CNDP2: variants seen among roughly 807,000 people sequenced by gnomAD.
CNDP2 encodes carnosine dipeptidase 2, also known as cytosolic non-specific dipeptidase.
Under a neutral mutation model 55.0 loss-of-function variants are expected in CNDP2, and 38 were observed. The observed-to-expected ratio is 0.69, with a 90% CI of 0.53 to 0.90. CNDP2 has a LOEUF of 0.90. Ranked by LOEUF, CNDP2 falls within the 40% of genes least tolerant of loss-of-function variation. The pLI, the probability that CNDP2 is intolerant of heterozygous loss-of-function variation, is 0.00. For synonymous variants in CNDP2, 241 were observed against 260.2 expected, an observed-to-expected ratio of 0.93 and a Z score of 0.71; for missense variants, 607 against 621.7, an observed-to-expected ratio of 0.98 and a Z score of 0.25.
chr18:74,523,302 C>T lies in CNDP2; in HGVS notation c.*3234C>T, dbSNP rs2144627506. 1 of 152,344 alleles carries T rather than the reference C, an allele frequency of 6.6e-6. No individual in the cohort carries two copies. The highest frequency in any genetic ancestry group is 1.5e-5 in the Non-Finnish European group (1 of 68,046). 9.4% of individuals were successfully genotyped at this position (152,344 alleles called of 1,614,324 possible). A position where few individuals can be genotyped will look rare whatever the true frequency, so the allele number is the denominator to read the frequency against. ...CTCAGCGTCCTGTGTCAGAAGAGCA[C>T]AAACCACTTTCCCAGAGAGGTTATG... On this transcript the variant is annotated 3_prime_UTR_variant, in exon 12 of 12. Transcript: ENST00000324262.
chr18:74,503,505 T>C (rs1173748567), intron 3 of CNDP2, among the ~76,000 whole-genome samples: 1 of 152,270 alleles, frequency 6.6e-6, no homozygotes. Context: ...AGAACAATTT[T>C]ACCTGTGGGC....
At position 74,506,103 on chromosome 18, in the gene CNDP2, G is replaced by GCT. The variant is rs1979009954; in HGVS notation, c.367+92_367+93insCT. 4 of 1,123,070 alleles carry GCT rather than the reference G, an allele frequency of 3.6e-6. No homozygotes were observed. The East Asian group carries it at 1.2e-4, about 34-fold the overall frequency. 69.6% of individuals were successfully genotyped at this position (1,123,070 alleles called of 1,614,324 possible). On this transcript the variant is annotated intron_variant, in intron 4 of 11. Transcript: ENST00000324262. ...CGTTTTTCTGTTTCCAGTACAGACTGTTTTTATTTTATTTTATTTATTTTA... is the reference window on the plus strand; with the variant it reads ...CGTTTTTCTGTTTCCAGTACAGACTGCTTTTTTATTTTATTTTATTTATTTTA...
In CNDP2 at chr18:74,516,215, G is replaced by C. The variant is rs781397316; in HGVS notation, c.904-13G>C. The C allele has an allele frequency of 2.5e-6, 4 of 1,603,438 alleles. No homozygotes were observed. The East Asian group carries it at 8.9e-5, about 36-fold the overall frequency. On this transcript the variant is annotated splice_polypyrimidine_tract_variant and intron_variant, in intron 8 of 11. Coordinates refer to ENST00000324262, the MANE Select transcript of CNDP2 (RefSeq NM_018235.3). ...ATGCCTGAGGTGTCCCTGACCCTCT[G>C]ATTTTTCTGCAGAAAGACATCCTCA... is the stretch of plus-strand genomic sequence containing the variant.
At chr18:74,513,523 C>T in intron 7 of CNDP2, 36 bp from the exon 8 acceptor site, 1 of 1,588,318 alleles carries the variant, frequency 6.3e-7, no homozygotes. Context: ...GGTGCGGCCT[C>T]CCCTGAGTGC....
chr18:74,510,436 G>T (rs1403315367), intron 5 of CNDP2, among the ~76,000 whole-genome samples: 1 of 152,218 alleles, frequency 6.6e-6, no homozygotes, highest in African/African-American at 2.4e-5. Flanking sequence ...TTCTGTGCCC[G>T]GGAGCAGCGA....
chr18:74,505,187 A>C (rs1978940519), intron 3 of CNDP2: 2 of 152,318 alleles, frequency 1.3e-5, no homozygotes, highest in Non-Finnish European at 2.9e-5. Flanking sequence ...ACCTCTTCTG[A>C]TTTAAGATTA....
intron 4 of CNDP2, 136 bp from the exon 5 acceptor site, chr18:74,508,704 T>C (rs530176468): frequency 5.9e-5 from 39 of 657,450 alleles, no homozygotes; most frequent in African/African-American, 2.5e-4. Flanking sequence ...TGGGTGGAAA[T>C]TGGGGGCTCC....
intron 6 of CNDP2, among the ~76,000 whole-genome samples, chr18:74,511,722 AG>A (rs1491357909): frequency 6.6e-6 from 1 of 151,068 alleles, no homozygotes; most frequent in South Asian, 2.1e-4. Context: ...AAAAAAAAAA[AG>A]AGAAACCGAG....
rs113582841 is a variant in CNDP2, at chr18:74,519,032, G to T, written c.1294G>T (p.Val432Phe). The T allele has an allele frequency of 6.2e-7, 1 of 1,613,846 alleles. No homozygotes were observed. Among genetic ancestry groups the T allele is most frequent in the African/African-American group, 1.3e-5 (1 of 74,908 alleles). The change falls in exon 11 of 12, where the codon GTC (valine) becomes TTC (phenylalanine). Residue 432 changes from valine to phenylalanine, a missense_variant. Physicochemically the swap from Val to Phe is conservative, Grantham distance 50. Transcript: ENST00000324262. ...LTFQEATGKN[V>F]MLLPVGSADD... The stretch of plus-strand genomic sequence containing the variant: ...CTTTCAGGAGGCCACGGGCAAGAAC[G>T]TCATGCTGCTGCCTGTGGGGTCAGC...
In CNDP2 at chr18:74,516,398, T is replaced by A. The variant is rs929703075; in HGVS notation, c.1068+6T>A. On this transcript the variant is annotated splice_donor_region_variant and intron_variant, in intron 9 of 11. Transcript: ENST00000324262. The stretch of plus-strand genomic sequence containing the variant: ...CTGAAGTCGTCGGCGAGCAGGCATG[T>A]GGGGCTGGGACACGGGGTGGGGGCC... 1.9e-6 allele frequency: 3 copies of A among 1,604,236 alleles called. No homozygotes were observed. Among genetic ancestry groups the A allele is most frequent in the Admixed American group, 1.7e-5 (1 of 59,240 alleles).
At chr18:74,513,849 G>A in intron 8 of CNDP2, 130 bp downstream of exon 8, 2 of 928,850 alleles carry the variant, frequency 2.2e-6, no homozygotes, top group Non-Finnish European at 3.2e-6. Flanking sequence ...ATGCACATGA[G>A]TCACTCAGAA....
At chr18:74,513,949 G>A (rs1979501229) in intron 8 of CNDP2, 2 of 470,950 alleles carry the variant, frequency 4.2e-6, no homozygotes, top group African/African-American at 2.0e-5. Context: ...GCATGCAGAG[G>A]GGACATGGGC....
intron 8 of CNDP2, among the ~76,000 whole-genome samples, chr18:74,514,977 T>G (rs1736897657): frequency 6.6e-6 from 1 of 152,128 alleles, no homozygotes; most frequent in South Asian, 2.1e-4. Context: ...GGGAGGGTCA[T>G]GGTGCTGGGA....
chr18:74,516,655 C>A, intron 9 of CNDP2: 1 of 442,024 alleles, frequency 2.3e-6, no homozygotes, highest in Non-Finnish European at 4.0e-6. Flanking sequence ...GGCCAAACAC[C>A]AACTTTGGAC....
At chr18:74,502,803 C>T (rs560197698) in intron 3 of CNDP2, among the ~76,000 whole-genome samples, 2 of 152,218 alleles carry the variant, frequency 1.3e-5, no homozygotes, top group South Asian at 2.1e-4. Context: ...TTCAGTTCAG[C>T]GCATTCGTTT....
rs1978994282 is a variant in CNDP2, at chr18:74,505,942, C to G, written c.298C>G (p.Leu100Val). 1 of 1,612,406 alleles carries G rather than the reference C, an allele frequency of 6.2e-7. No individual in the cohort carries two copies. The highest frequency in any genetic ancestry group is 1.3e-5 in the African/African-American group (1 of 74,926). ...GAAGACCGTGTGCATTTACGGGCACCTGGATGTGCAGCCTGCAGCCCTGGA... is the reference window on the plus strand; with the variant it reads ...GAAGACCGTGTGCATTTACGGGCACGTGGATGTGCAGCCTGCAGCCCTGGA... The part of the protein sequence containing the change: ...QKKTVCIYGH[L>V]DVQPAALEDG... Residue 100 changes from leucine (L) to valine (V), a missense_variant, in exon 4 of 12, where the codon CTG (leucine) becomes GTG (valine). By Grantham distance (32) the Leu-to-Val change is conservative. Transcript: ENST00000324262.
chr18:74,518,405 T>C (rs1979834194), intron 9 of CNDP2, 94 bp from the exon 10 acceptor site: 3 of 1,463,804 alleles, frequency 2.0e-6, no homozygotes, highest in Non-Finnish European at 2.8e-6. Flanking sequence ...GTAAGCTCGC[T>C]GTAGACCCAT....
chr18:74,519,748 G>A (rs1009665385), intron 11 of CNDP2, among the ~76,000 whole-genome samples: 21 of 152,218 alleles, frequency 1.4e-4, no homozygotes, highest in Admixed American at 1.2e-3. Flanking sequence ...CCCACGATCC[G>A]AGCTTGACGT....
chr18:74,522,013 G>GA lies in CNDP2; in HGVS notation c.*1946dup, dbSNP rs1451340479. 6.6e-6 allele frequency: 1 copy of GA among 152,194 alleles called. No homozygotes were observed. Among genetic ancestry groups the GA allele is most frequent in the Non-Finnish European group, 1.5e-5 (1 of 68,052 alleles). The allele number at this position is 152,194 out of a possible 1,614,324, so 9.4% of individuals were successfully genotyped here. On this transcript the variant is annotated 3_prime_UTR_variant, in exon 12 of 12. Transcript: ENST00000324262. ...GTTCTGGGAACATCACACTCATCGT[G>GA]ACAAAACATCAGACAAACCCAAACG...
Sources: gnomAD v4.1 joint callset for allele counts (sites outside exome capture counted in the v4.1 genomes callset) on GRCh38, gnomAD v4.1.1 for gene constraint, MANE v1.5 for transcripts, NCBI Gene and HGNC (gene_info 2026-07-23, HGNC 2026-07-21) for gene names.